ANKLE2: variants seen among roughly 807,000 people sequenced by gnomAD.
ANKLE2 encodes ankyrin repeat and LEM domain-containing protein 2.
ANKLE2 carries 55 observed loss-of-function variants against 84.2 expected under a neutral mutation model. The ratio of observed to expected loss-of-function variants is 0.65; its 90% CI spans 0.53 to 0.82. The LOEUF is 0.82. Among genes scored for constraint, ANKLE2 ranks in the 40% least tolerant of loss-of-function variants. The probability of loss-of-function intolerance (pLI) is 0.00; values close to 1 mark genes in which losing one functional copy is unlikely to be tolerated. For synonymous variants in ANKLE2, 551 were observed against 486.1 expected (o/e 1.13, Z -1.76); for missense variants, 1,238 against 1,201.9 (o/e 1.03, Z -0.44).
intron 10 of ANKLE2, among the ~76,000 whole-genome samples, chr12:132,732,709 C>T (rs10870501): frequency 5.5e-3 from 159 of 29,164 alleles, no homozygotes; most frequent in East Asian, 0.017. Context: ...TGATATGCAC[C>T]GTGTGAAGCT....
chr12:132,741,617 T>G, intron 6 of ANKLE2, 132 bp from the exon 7 acceptor site: 1 of 882,516 alleles, frequency 1.1e-6, no homozygotes, highest in Non-Finnish European at 1.8e-6. Context: ...TTAATAAAGC[T>G]CACACTCAGA....
intron 5 of ANKLE2, among the ~76,000 whole-genome samples, chr12:132,744,612 C>G (rs74458513): frequency 6.6e-6 from 1 of 152,162 alleles, no homozygotes; most frequent in Non-Finnish European, 1.5e-5. Context: ...TATACCACCA[C>G]GCTACCTGTA....
intron 10 of ANKLE2, chr12:132,731,524 TCACACACACACA>T (rs143631173): frequency 1.4e-5 from 2 of 144,712 alleles, no homozygotes; most frequent in South Asian, 2.2e-4. Flanking sequence ...AGACACACAC[TCACACACACACA>T]CACACAGTTT....
intron 9 of ANKLE2, 33 bp from the exon 10 acceptor site, chr12:132,734,608 G>A: frequency 1.9e-6 from 3 of 1,568,250 alleles, no homozygotes; most frequent in Non-Finnish European, 1.7e-6. Flanking sequence ...AACCAGCTGT[G>A]AAACCAGAAA....
chr12:132,738,121 C>G (rs1034127715), intron 7 of ANKLE2: 4 of 147,022 alleles, frequency 2.7e-5, no homozygotes, highest in Admixed American at 1.3e-4. Context: ...CCGGCCTCCT[C>G]GCTTCTCAAT....
chr12:132,727,524 A>T (rs2043724980), intron 12 of ANKLE2, 81 bp from the exon 13 acceptor site: 2 of 1,205,524 alleles, frequency 1.7e-6, no homozygotes, highest in Non-Finnish European at 2.2e-6. Flanking sequence ...TAATGGCCCC[A>T]GACTCAGGCA....
intron 8 of ANKLE2, 151 bp downstream of exon 8, chr12:132,736,742 A>G (rs957020015): frequency 3.3e-6 from 3 of 897,972 alleles, no homozygotes; most frequent in Admixed American, 2.6e-5. Flanking sequence ...CTCATCACCA[A>G]TCACTGGTGG....
chr12:132,755,124 G>A lies in ANKLE2; in HGVS notation c.191C>T (p.Thr64Ile). The A allele has an allele frequency of 6.2e-7, 1 of 1,600,172 alleles. No homozygotes were observed. ...CAATCGAGCCAACAGAGCATCCATT[G>A]TCATTTCACCTAGGCCCAAGACAAA... ...AAAAPASGEM[T>I]MDALLARLKL... The change falls in exon 2 of 13, where the codon ACA becomes ATA. Residue 64 changes from threonine (T) to isoleucine (I), a missense_variant. Transcript: ENST00000357997.
At chr12:132,759,599 A>T (rs1045113456) in intron 1 of ANKLE2, 3 of 143,294 alleles carry the variant, frequency 2.1e-5, no homozygotes, top group African/African-American at 6.0e-5. Flanking sequence ...ATAAAAACAT[A>T]TTTTTATATA....
chr12:132,740,701 G>A (rs1377757500), intron 7 of ANKLE2, among the ~76,000 whole-genome samples: 2 of 152,088 alleles, frequency 1.3e-5, no homozygotes, highest in Admixed American at 1.3e-4. Context: ...GAAGATGGCA[G>A]GGAAAAGCCA....
At chr12:132,735,381 C>T (rs1031182774) in intron 9 of ANKLE2, 25 bp downstream of exon 9, 7 of 1,599,186 alleles carry the variant, frequency 4.4e-6, no homozygotes, top group Middle Eastern at 1.7e-4. Flanking sequence ...GTGCCCCACG[C>T]TGCTGCGGCT....
Position 132,727,403 on chromosome 12 carries a change from G to C in ANKLE2, c.2656C>G (p.Leu886Val). The C allele has an allele frequency of 6.4e-7, 1 of 1,561,170 alleles. No individual in the cohort carries two copies. Among genetic ancestry groups the C allele is most frequent in the Non-Finnish European group, 8.7e-7 (1 of 1,152,526 alleles). ...CTGTGAGGGCCACTGAGATCTGGCA[G>C]CTGAGACTTGAACCTTCCTTTCACC... ...PAVKGRFKSQ[L>V]PDLSGPHSYS... is the part of the protein sequence containing the mutation. The change falls in exon 13 of 13, where the codon CTG becomes GTG. Residue 886 changes from leucine to valine, a missense_variant. Physicochemically the swap from Leu to Val is conservative, Grantham distance 32 (BLOSUM62 1). Coordinates refer to ENST00000357997, the MANE Select transcript of ANKLE2 (RefSeq NM_015114.3).
At chr12:132,733,146 T>G (rs1456561690) in intron 10 of ANKLE2, among the ~76,000 whole-genome samples, 1 of 145,754 alleles carries the variant, frequency 6.9e-6, no homozygotes, top group African/African-American at 2.6e-5. Context: ...CTGCGCGTCC[T>G]GGTGTCTGAT....
At position 132,734,318 on chromosome 12, in the gene ANKLE2, C is replaced by G. The variant is rs538927283; in HGVS notation, c.1891+67G>C. On this transcript the variant is annotated intron_variant, in intron 10 of 12. Transcript: ENST00000357997. ...CCAAGAGACGAGAAACAGATGTGCGCATCCCGTCAGACCCCGGCCATGGGG... is the reference window on the plus strand; with the variant it reads ...CCAAGAGACGAGAAACAGATGTGCGGATCCCGTCAGACCCCGGCCATGGGG... 1.5e-5 allele frequency: 22 copies of G among 1,513,384 alleles called. No homozygotes were observed. In the African/African-American group the frequency reaches 2.4e-4, roughly 16 times the overall value. 93.7% of individuals were successfully genotyped at this position (1,513,384 alleles called of 1,614,324 possible).
In ANKLE2 at chr12:132,761,623, G is replaced by T. The variant is rs1419429681; in HGVS notation, c.176C>A (p.Ala59Asp). 8.0e-7 allele frequency: 1 copy of T among 1,256,432 alleles called. No homozygotes were observed. The highest frequency in any genetic ancestry group is 4.2e-5 in the Admixed American group (1 of 23,654). The allele number at this position is 1,256,432 out of a possible 1,614,324, so 77.8% of individuals were successfully genotyped here. The change falls in exon 1 of 13, where the codon GCC becomes GAC. Residue 59 changes from alanine to aspartate, a missense_variant. By Grantham distance (126) the Ala-to-Asp change is moderately radical (BLOSUM62 -2). Coordinates refer to ENST00000357997, the MANE Select transcript of ANKLE2 (RefSeq NM_015114.3). Reference sequence around the variant, plus strand: ...AGCGACCGCCTGGGCCTTACCTGAGGCGGGGGCGGCGGCCGCGCTTGGCGG... The same window carrying T: ...AGCGACCGCCTGGGCCTTACCTGAGTCGGGGGCGGCGGCCGCGCTTGGCGG... ...VPPPSAAAAP[A>D]SGEMTMDALL... is the part of the protein sequence containing the mutation.
Position 132,729,808 on chromosome 12 carries a change from T to C in ANKLE2, c.2354A>G (p.Asn785Ser). Residue 785 changes from asparagine (N) to serine (S), a missense_variant, in exon 11 of 13, where the codon AAT becomes AGT. Around this residue, in one of 3 missense-constraint regions of ANKLE2, gnomAD observed 802 missense variants for 774.5 expected, o/e 1.04. Transcript: ENST00000357997. Reference protein sequence around the residue: ...LEPSPADQLGNGHRRTESEMS... With the variant: ...LEPSPADQLGSGHRRTESEMS... ...TTCACTTTCTGTCCTCCTGTGGCCA[T>C]TCCCGAGTTGGTCTGCGGGAGAAGG... 6.2e-7 allele frequency: 1 copy of C among 1,612,726 alleles called. No individual in the cohort carries two copies. The highest frequency in any genetic ancestry group is 8.5e-7 in the Non-Finnish European group (1 of 1,179,628).
At chr12:132,736,734 C>T (rs1032791449) in intron 8 of ANKLE2, among the ~76,000 whole-genome samples, 159 bp downstream of exon 8, 5 of 152,380 alleles carry the variant, frequency 3.3e-5, no homozygotes, top group African/African-American at 1.2e-4. Flanking sequence ...CAAACGTTCT[C>T]ATCACCAATC....
Position 132,743,511 on chromosome 12 carries a change from T to A in ANKLE2, c.1231-235A>T, listed in dbSNP as rs1475956419. On this transcript the variant is annotated intron_variant, in intron 5 of 12. Transcript: ENST00000357997. This position sits in a 1 kb window ranked among gnomAD's most constrained non-coding sequence, Gnocchi z 4.1. Reference sequence around the variant, plus strand: ...CCCGCCACCACACCCAGCTATTTTTTTTTTTTTTTTAATATTTAGTAGAGA... The same window carrying A: ...CCCGCCACCACACCCAGCTATTTTTATTTTTTTTTTAATATTTAGTAGAGA... Among the ~76,000 whole-genome samples, 1 of 151,942 alleles carries A rather than the reference T, an allele frequency of 6.6e-6. No homozygotes were observed.
At position 132,743,056 on chromosome 12, in the gene ANKLE2, G is replaced by T; in HGVS notation, c.1353+98C>A. The T allele has an allele frequency of 8.5e-7, 1 of 1,183,190 alleles. No individual in the cohort carries two copies. 73.3% of individuals were successfully genotyped at this position (1,183,190 alleles called of 1,614,324 possible). On this transcript the variant is annotated intron_variant, in intron 6 of 12. Transcript: ENST00000357997. The surrounding 1 kb of genome is among the most constrained non-coding windows in gnomAD (Gnocchi z 4.1). ...ATAAAGCAAACACAACTCATACAGA[G>T]CTCCTTGTGGCTTCCCTGTGCCTGT...
Sources: allele counts gnomAD v4.1 joint callset (sites outside exome capture counted in the v4.1 genomes callset), GRCh38; gene constraint gnomAD v4.1.1; regional missense constraint gnomAD v4.1.1; non-coding constraint Gnocchi (gnomAD v3.1); transcripts MANE v1.5; gene names NCBI Gene and HGNC (gene_info 2026-07-23, HGNC 2026-07-21).